Variants in ZNF331 observed in about 807,000 individuals in gnomAD.
ZNF331 encodes C2H2-like zinc finger protein rearranged in thyroid adenomas.
A neutral mutation model predicts 7.0 loss-of-function variants in ZNF331; 2 were observed. The observed-to-expected ratio is 0.29, with a 90% CI of 0.12 to 0.90. ZNF331 has a LOEUF of 0.90. Ranked by LOEUF, ZNF331 falls within the 40% of genes least tolerant of loss-of-function variation. The pLI, the probability that ZNF331 is intolerant of heterozygous loss-of-function variation, is 0.58. For missense variants in ZNF331, 432 were observed against 587.7 expected (o/e 0.74, Z 2.74); for synonymous variants, 196 against 205.4 (o/e 0.95, Z 0.39).
At chr19:53,537,532 C>G (rs988114506), upstream of ZNF331, 1 of 152,336 alleles carries the variant, frequency 6.6e-6, no homozygotes. Context: ...TCTGCAGGGA[C>G]CAGGAAGGGC....
At chr19:53,509,769 T>A in the ZNF331 span, among the ~76,000 whole-genome samples, 7 of 152,164 alleles carry the variant, frequency 4.6e-5, no homozygotes, top group Non-Finnish European at 1.0e-4. Context: ...CTTCTATTAG[T>A]CTGTTTTCCC....
At chr19:53,510,931 AC>A in the ZNF331 span, among the ~76,000 whole-genome samples, 1,599 of 152,124 alleles carry the variant, frequency 0.011, 17 homozygotes, top group Middle Eastern at 0.02. Context: ...TTGCATCCCC[AC>A]CCCAAATCTA....
rs751093513 is a variant in ZNF331, at chr19:53,560,228, AC to A, written c.-74+4321del. ...ACCATATATATACACACATATATAC[AC>A]ATCCACACCATATATACACACACCA... On this transcript the variant is annotated intron_variant, in intron 3 of 5. Coordinates refer to ENST00000449416, the MANE Select transcript of ZNF331 (RefSeq NM_001079906.2). This position sits in a 1 kb window ranked among gnomAD's most constrained non-coding sequence, Gnocchi z 4.3. Among the ~76,000 whole-genome samples, 2 of 151,752 alleles carry A rather than the reference AC, an allele frequency of 1.3e-5. No individual in the cohort carries two copies. Among genetic ancestry groups the A allele is most frequent in the African/African-American group, 4.8e-5 (2 of 41,300 alleles).
rs770132575 is a variant in ZNF331, at chr19:53,539,227, T to G, written c.-193T>G. 2 of 152,176 alleles carry G rather than the reference T, an allele frequency of 1.3e-5. No individual in the cohort carries two copies. The highest frequency in any genetic ancestry group is 2.9e-5 in the Non-Finnish European group (2 of 68,036). 9.4% of individuals were successfully genotyped at this position (152,176 alleles called of 1,614,324 possible). ...TCTGTTTTCCCCAGGCCAGCATCCT[T>G]CAGAAAAAGCATCCCCGAGGAGGAA... On this transcript the variant is annotated 5_prime_UTR_variant, in exon 2 of 6. Coordinates refer to ENST00000449416, the MANE Select transcript of ZNF331 (RefSeq NM_001079906.2). The surrounding 1 kb of genome is among the most constrained non-coding windows in gnomAD (Gnocchi z 6.1).
upstream of ZNF331, among the ~76,000 whole-genome samples, chr19:53,517,662 T>C (rs2086934826): frequency 1.3e-5 from 2 of 152,174 alleles, no homozygotes; most frequent in African/African-American, 2.4e-5. Context: ...TTAGGGAGAA[T>C]TGGCTCACAC....
intron 5 of ZNF331, among the ~76,000 whole-genome samples, chr19:53,572,277 A>G (rs1314474099): frequency 1.8e-4 from 27 of 152,128 alleles, no homozygotes; most frequent in Admixed American, 1.8e-3. Flanking sequence ...TTGAATGACA[A>G]TATCTTGCAA....
chr19:53,577,375 A>C lies in ZNF331; in HGVS notation c.815A>C (p.Glu272Ala), dbSNP rs779366118. The change falls in exon 6 of 6, where the codon GAG (glutamate) becomes GCG (alanine). Residue 272 changes from glutamate (E) to alanine (A), a missense_variant. Coordinates refer to ENST00000449416, the MANE Select transcript of ZNF331 (RefSeq NM_001079906.2). ...ATTCATAGTGGGGAGAAGCCTTACG[A>C]GTGTAAAGACTGTGGGAAGGCTTTT... ...KRIHSGEKPY[E>A]CKDCGKAFIC... is the part of the protein sequence containing the mutation. The C allele has an allele frequency of 1.2e-6, 2 of 1,614,164 alleles. No homozygotes were observed. The highest frequency in any genetic ancestry group is 1.7e-6 in the Non-Finnish European group (2 of 1,180,036).
intron 2 of ZNF331, among the ~76,000 whole-genome samples, chr19:53,532,449 G>T (rs980251548): frequency 1.3e-5 from 2 of 152,126 alleles, no homozygotes; most frequent in Admixed American, 6.5e-5. Context: ...GTATTTAATT[G>T]TGATATATGC....
intron 5 of ZNF331, among the ~76,000 whole-genome samples, chr19:53,575,915 T>C (rs2090699159): frequency 6.6e-6 from 1 of 151,898 alleles, no homozygotes; most frequent in South Asian, 2.1e-4. Context: ...AACTCCTGAC[T>C]TCATGATCTG....
rs16985052 is a variant in ZNF331 at position 53,577,526 on chromosome 19, C to T, written c.966C>T (p.Thr322=). Residue 322 remains threonine (T), a synonymous_variant, in exon 6 of 6, where the codon ACC becomes ACT. Transcript: ENST00000449416. ...NYLTQHQKIH[T]GEKPHECKEC... Reference sequence around the variant, plus strand: ...TTACTCAGCATCAGAAGATCCACACCGGTGAGAAGCCTCACGAATGTAAGG... The same window carrying T: ...TTACTCAGCATCAGAAGATCCACACTGGTGAGAAGCCTCACGAATGTAAGG... 0.069 allele frequency: 111,702 copies of T among 1,613,764 alleles called. 5,027 individuals are homozygous for T. Among genetic ancestry groups the T allele is most frequent in the African/African-American group, 0.22 (16,762 of 74,884 alleles).
At chr19:53,569,418 A>G in intron 4 of ZNF331, 33 bp downstream of exon 4, 1 of 1,613,170 alleles carries the variant, frequency 6.2e-7, no homozygotes, top group Admixed American at 1.7e-5. Context: ...TTCTTGAGCT[A>G]TGATATTTGC....
intron 3 of ZNF331, among the ~76,000 whole-genome samples, chr19:53,559,740 T>TACAC (rs144187637): frequency 0.75 from 112,561 of 150,248 alleles, 42,753 homozygotes; most frequent in African/African-American, 0.88. Flanking sequence ...TATACACATA[T>TACAC]ACACCATACG....
upstream of ZNF331, among the ~76,000 whole-genome samples, chr19:53,517,872 CCA>C (rs2086941326): frequency 6.6e-6 from 1 of 152,132 alleles, no homozygotes; most frequent in South Asian, 2.1e-4. Flanking sequence ...TTGTATCTTT[CCA>C]CAGTGTCAGG....
intron 3 of ZNF331, among the ~76,000 whole-genome samples, chr19:53,557,690 C>T (rs561950244): frequency 6.6e-4 from 101 of 152,294 alleles, no homozygotes; most frequent in African/African-American, 2.4e-3. Context: ...TGGCCGGGTG[C>T]GGTGGCCCAC....
At chr19:53,535,244 A>AC (rs57488191), upstream of ZNF331, among the ~76,000 whole-genome samples, 11,002 of 151,954 alleles carry the variant, frequency 0.072, 524 homozygotes, top group Non-Finnish European at 0.11. Flanking sequence ...GGTGTCTGCC[A>AC]CACATTCAGC....
intron 2 of ZNF331, among the ~76,000 whole-genome samples, chr19:53,550,723 G>C (rs548285459): frequency 7.3e-5 from 11 of 151,390 alleles, no homozygotes; most frequent in African/African-American, 2.7e-4. Context: ...TTTTAGTAGA[G>C]ATGGGGTTTT....
Position 53,539,847 on chromosome 19 carries a change from T to C in ZNF331, c.-138+565T>C, listed in dbSNP as rs2088016087. On this transcript the variant is annotated intron_variant, in intron 2 of 5. Transcript: ENST00000449416. This position sits in a 1 kb window ranked among gnomAD's most constrained non-coding sequence, Gnocchi z 6.1. The stretch of plus-strand genomic sequence containing the variant: ...CCTTGACCACAATTATTGTTCAGGA[T>C]GGTGGAAATGGTTAAGTAATTATAC... Among the ~76,000 whole-genome samples, 3 of 152,336 alleles carry C rather than the reference T, an allele frequency of 2.0e-5. 1 individual carries two copies. The highest frequency in any genetic ancestry group is 4.1e-4 in the South Asian group (2 of 4,830).
At chr19:53,557,367 C>G (rs536685990) in intron 3 of ZNF331, among the ~76,000 whole-genome samples, 2 of 152,182 alleles carry the variant, frequency 1.3e-5, no homozygotes, top group East Asian at 3.9e-4. Context: ...CGACCACCCT[C>G]GTGCCATGGC....
At chr19:53,557,394 G>A (rs1163000509) in intron 3 of ZNF331, among the ~76,000 whole-genome samples, 1 of 152,150 alleles carries the variant, frequency 6.6e-6, no homozygotes, top group Non-Finnish European at 1.5e-5. Flanking sequence ...TGGTGAAAGG[G>A]AGCTGAGAGC....
Sources: allele counts gnomAD v4.1 joint callset (sites outside exome capture counted in the v4.1 genomes callset), GRCh38; gene constraint gnomAD v4.1.1; non-coding constraint Gnocchi (gnomAD v3.1); transcripts MANE v1.5; gene names NCBI Gene and HGNC (gene_info 2026-07-23, HGNC 2026-07-21).